COL24A1: variants seen among roughly 807,000 people sequenced by gnomAD.
COL24A1 encodes the protein collagen alpha-1(XXIV) chain.
A neutral mutation model predicts 253.9 loss-of-function variants in COL24A1; 224 were observed. The ratio of observed to expected loss-of-function variants is 0.88; its 90% CI spans 0.79 to 0.99. The LOEUF (loss-of-function observed/expected upper bound fraction) is 0.99, where lower values mean the gene tolerates loss of function less well. Ranked by LOEUF, COL24A1 falls within the 50% of genes least tolerant of loss-of-function variation. The pLI, the probability that COL24A1 is intolerant of heterozygous loss-of-function variation, is 0.00. For missense variants in COL24A1, 2,131 were observed against 2,068.5 expected (o/e 1.03, Z -0.59); for synonymous variants, 685 against 673.7 (o/e 1.02, Z -0.26).
intron 20 of COL24A1, among the ~76,000 whole-genome samples, chr1:85,980,232 G>A (rs1693114221): frequency 6.6e-6 from 1 of 152,154 alleles, no homozygotes; most frequent in African/African-American, 2.4e-5. Flanking sequence ...TGAACATTAT[G>A]GTGAATGGGG....
At chr1:86,006,610 GA>G (rs1455932492) in intron 19 of COL24A1, among the ~76,000 whole-genome samples, 3 of 152,006 alleles carry the variant, frequency 2.0e-5, no homozygotes, top group Admixed American at 6.6e-5. Flanking sequence ...GTTGTTTTTA[GA>G]AACAACACAA....
At chr1:85,883,818 C>T (rs996411310) in intron 32 of COL24A1, 4 of 152,090 alleles carry the variant, frequency 2.6e-5, no homozygotes, top group Admixed American at 2.6e-4. Flanking sequence ...TTTCAAATAA[C>T]ACTATACCAC....
At chr1:86,022,133 A>G (rs1234021141) in intron 18 of COL24A1, 107 bp downstream of exon 18, 36 of 964,274 alleles carry the variant, frequency 3.7e-5, no homozygotes, top group Non-Finnish European at 5.5e-5. Flanking sequence ...AACTAAGGAG[A>G]CAAATGCTCA....
intron 43 of COL24A1, among the ~76,000 whole-genome samples, chr1:85,824,275 C>G (rs1046799898): frequency 3.3e-5 from 5 of 152,076 alleles, no homozygotes; most frequent in African/African-American, 4.8e-5. Flanking sequence ...AGGAGTGTGG[C>G]CCTAGAGCCT....
chr1:85,900,759 C>T (rs1684202862), intron 28 of COL24A1, among the ~76,000 whole-genome samples: 1 of 152,136 alleles, frequency 6.6e-6, no homozygotes, highest in Non-Finnish European at 1.5e-5. Context: ...AATAAATCTA[C>T]ACGTTTATAG....
intron 5 of COL24A1, among the ~76,000 whole-genome samples, chr1:86,110,441 C>G (rs1328619705): frequency 1.3e-5 from 2 of 152,064 alleles, no homozygotes; most frequent in African/African-American, 4.8e-5. Flanking sequence ...TTCTTGGCCT[C>G]AGCGTCCACT....
intron 53 of COL24A1, among the ~76,000 whole-genome samples, chr1:85,770,603 T>A (rs1667849642): frequency 6.6e-6 from 1 of 151,700 alleles, no homozygotes; most frequent in Admixed American, 6.6e-5. Context: ...ATTACTTGCT[T>A]ATAAATAACC....
intron 24 of COL24A1, among the ~76,000 whole-genome samples, chr1:85,923,144 A>G (rs954331153): frequency 6.6e-6 from 1 of 152,244 alleles, no homozygotes; most frequent in Non-Finnish European, 1.5e-5. Flanking sequence ...TATGCAACCA[A>G]TACAAGAGCA....
chr1:85,856,698 A>C (rs1269386515), intron 37 of COL24A1, among the ~76,000 whole-genome samples: 1 of 151,954 alleles, frequency 6.6e-6, no homozygotes, highest in East Asian at 1.9e-4. Context: ...CCCCACCTCC[A>C]CTGTAATAAG....
chr1:85,852,120 G>A (rs538969683), intron 37 of COL24A1, among the ~76,000 whole-genome samples: 33 of 152,056 alleles, frequency 2.2e-4, no homozygotes, highest in Non-Finnish European at 4.0e-4. Context: ...GTGCGCGCAC[G>A]TGCGCATTTG....
intron 43 of COL24A1, among the ~76,000 whole-genome samples, chr1:85,825,193 G>C: frequency 6.6e-6 from 1 of 151,032 alleles, no homozygotes; most frequent in Non-Finnish European, 1.5e-5. Context: ...TTGTTCTTGC[G>C]ATAGCTGACT....
chr1:85,893,310 C>G lies in COL24A1; in HGVS notation c.2922+2548G>C, dbSNP rs75509619. On this transcript the variant is annotated intron_variant, in intron 31 of 59. Coordinates refer to ENST00000370571, the MANE Select transcript of COL24A1 (RefSeq NM_152890.7). ...GAATATTTTTTAACAAAAAAAGGAT[C>G]AATTGATCAGGAAGACATAATAATT... is the stretch of plus-strand genomic sequence containing the variant. Among the ~76,000 whole-genome samples the G allele has an allele frequency of 4.0e-3, 603 of 151,726 alleles. 5 individuals carry two copies. Among genetic ancestry groups the G allele is most frequent in the African/African-American group, 0.014 (576 of 41,412 alleles).
chr1:85,874,654 A>T lies in COL24A1; in HGVS notation c.3133T>A (p.Leu1045Ile), dbSNP rs775443013. The change falls in exon 35 of 60, where the codon TTA (leucine) becomes ATA (isoleucine). Residue 1045 changes from leucine to isoleucine, a missense_variant. Physicochemically the swap from Leu to Ile is conservative, Grantham distance 5 (BLOSUM62 2). Coordinates refer to ENST00000370571, the MANE Select transcript of COL24A1 (RefSeq NM_152890.7). ...AGTTTCAAGGGGGCACTCACCCGTAAACCTGGTTCCCCAGTTCCTCCAACA... is the reference window on the plus strand; with the variant it reads ...AGTTTCAAGGGGGCACTCACCCGTATACCTGGTTCCCCAGTTCCTCCAACA... The part of the protein sequence containing the change: ...GSVGGTGEPG[L>I]RGEPGAPGEE... 2 of 1,612,590 alleles carry T rather than the reference A, an allele frequency of 1.2e-6. No individual in the cohort carries two copies. Among genetic ancestry groups the T allele is most frequent in the Non-Finnish European group, 1.7e-6 (2 of 1,179,910 alleles).
intron 19 of COL24A1, among the ~76,000 whole-genome samples, chr1:85,999,720 T>A (rs1695216290): frequency 6.6e-6 from 1 of 152,112 alleles, no homozygotes; most frequent in South Asian, 2.1e-4. Context: ...TATCTCCTTG[T>A]AGATAATAGT....
At chr1:86,113,209 C>T (rs1022174245) in intron 4 of COL24A1, among the ~76,000 whole-genome samples, 1 of 152,172 alleles carries the variant, frequency 6.6e-6, no homozygotes, top group Admixed American at 6.5e-5. Flanking sequence ...TTGTGTTTCT[C>T]ATTACTAATC....
chr1:85,784,059 C>G, intron 50 of COL24A1, 54 bp downstream of exon 50: 1 of 1,364,996 alleles, frequency 7.3e-7, no homozygotes, highest in Non-Finnish European at 1.0e-6. Context: ...ATTATTTCAA[C>G]AGCTCTTTTA....
At chr1:86,136,288 G>A (rs1650234037) in intron 2 of COL24A1, among the ~76,000 whole-genome samples, 1 of 151,970 alleles carries the variant, frequency 6.6e-6, no homozygotes, top group Non-Finnish European at 1.5e-5. Context: ...TGTGTACAAG[G>A]GCTAAATGTA....
chr1:85,780,172 T>C (rs1011142833), intron 52 of COL24A1, among the ~76,000 whole-genome samples: 1 of 152,202 alleles, frequency 6.6e-6, no homozygotes, highest in African/African-American at 2.4e-5. Flanking sequence ...TACTGAGTTA[T>C]ACATTTTACT....
chr1:85,793,483 A>AGGAAAGAGAGG (rs1268481055), intron 47 of COL24A1, among the ~76,000 whole-genome samples: 3 of 152,188 alleles, frequency 2.0e-5, no homozygotes, highest in Non-Finnish European at 4.4e-5. Context: ...AGAGGAGGGA[A>AGGAAAGAGAGG]GGAAAGAGAG....
Sources: allele counts gnomAD v4.1 joint callset (sites outside exome capture counted in the v4.1 genomes callset), GRCh38; gene constraint gnomAD v4.1.1; transcripts MANE v1.5; gene names NCBI Gene and HGNC (gene_info 2026-07-23, HGNC 2026-07-21).